NRP1: variants seen among roughly 807,000 people sequenced by gnomAD.
NRP1 encodes the protein neuropilin-1.
Under a neutral mutation model 106.7 loss-of-function variants are expected in NRP1, and 35 were observed. The ratio of observed to expected loss-of-function variants is 0.33; its 90% CI spans 0.25 to 0.43. NRP1 has a LOEUF of 0.43. Among genes scored for constraint, NRP1 ranks in the 20% least tolerant of loss-of-function variants. The pLI, the probability that NRP1 is intolerant of heterozygous loss-of-function variation, is 1.00. For synonymous variants in NRP1, 437 were observed against 417.9 expected, an observed-to-expected ratio of 1.05 and a Z score of -0.56; for missense variants, 1,024 against 1,170.4, an observed-to-expected ratio of 0.87 and a Z score of 1.83.
intron 16 of NRP1, among the ~76,000 whole-genome samples, chr10:33,182,309 C>T (rs890437406): frequency 2.0e-5 from 3 of 152,228 alleles, no homozygotes; most frequent in Admixed American, 6.5e-5. Flanking sequence ...AGAAGAATTT[C>T]GGTTGGTTTC....
intron 6 of NRP1, among the ~76,000 whole-genome samples, chr10:33,230,265 G>T (rs1295369954): frequency 6.6e-6 from 1 of 152,170 alleles, no homozygotes; most frequent in Non-Finnish European, 1.5e-5. Flanking sequence ...CACACTGCTG[G>T]TGTCTGTGTC....
rs2228638 is a variant in NRP1 at position 33,186,354 on chromosome 10, C to A, written c.2197G>T (p.Val733Phe). The change falls in exon 14 of 17, where the codon GTC becomes TTC. Residue 733 changes from valine (V) to phenylalanine (F), a missense_variant. Val to Phe is a conservative substitution (Grantham distance 50, BLOSUM62 -1). Around this residue, in one of 5 missense-constraint regions of NRP1, gnomAD observed 562 missense variants for 620.3 expected, o/e 0.91. Transcript: ENST00000374867. ...TFWYHMSGSH[V>F]GTLRVKLRYQ... Reference sequence around the variant, plus strand: ...CGCAGTTTGACCCTGAGTGTGCCGACGTGGGACCCAGACATGTGATACCAG... The same window carrying A: ...CGCAGTTTGACCCTGAGTGTGCCGAAGTGGGACCCAGACATGTGATACCAG... 1 of 1,613,846 alleles carries A rather than the reference C, an allele frequency of 6.2e-7. No homozygotes were observed. The highest frequency in any genetic ancestry group is 8.5e-7 in the Non-Finnish European group (1 of 1,180,004).
intron 1 of NRP1, among the ~76,000 whole-genome samples, chr10:33,334,044 G>A (rs866481580): frequency 3.9e-5 from 6 of 152,334 alleles, no homozygotes; most frequent in African/African-American, 1.4e-4. Context: ...GATCTGGGAA[G>A]GTAGACAGCT....
intron 13 of NRP1, among the ~76,000 whole-genome samples, chr10:33,187,338 T>C (rs1173787890): frequency 6.6e-6 from 1 of 152,236 alleles, no homozygotes; most frequent in Non-Finnish European, 1.5e-5. Flanking sequence ...CATAAACCTG[T>C]AGTTTTTCCT....
chr10:33,226,424 C>T, intron 6 of NRP1, 135 bp from the exon 7 acceptor site: 1 of 791,674 alleles, frequency 1.3e-6, no homozygotes, highest in Non-Finnish European at 2.0e-6. Flanking sequence ...CGGGTGTCCA[C>T]AGTCCCTGAC....
chr10:33,332,878 A>AGTGTGTGTGT (rs34920873), intron 1 of NRP1, among the ~76,000 whole-genome samples: 5,925 of 150,006 alleles, frequency 0.039, 139 homozygotes, highest in African/African-American at 0.05. Flanking sequence ...AAAACTAAGA[A>AGTGTGTGTGT]GTGTGTGTGT....
At position 33,207,531 on chromosome 10, in the gene NRP1, T is replaced by C. The variant is rs543027510; in HGVS notation, c.1759+41A>G. 5.0e-6 allele frequency: 8 copies of C among 1,607,966 alleles called. No individual in the cohort carries two copies. In the African/African-American group the frequency reaches 9.4e-5, roughly 19 times the overall value. On this transcript the variant is annotated intron_variant, in intron 10 of 16. Transcript: ENST00000374867. ...GGGCATAAATGCATGGAAGAGGAAA[T>C]TTAAAAACGCATGAGAAGTAACTCT... is the stretch of plus-strand genomic sequence containing the variant.
chr10:33,331,432 C>T (rs1848279060), intron 1 of NRP1, among the ~76,000 whole-genome samples: 1 of 152,200 alleles, frequency 6.6e-6, no homozygotes, highest in South Asian at 2.1e-4. Context: ...TGAGTTATCT[C>T]TGCTCTTGAG....
At chr10:33,184,391 G>A (rs1039402080) in intron 15 of NRP1, among the ~76,000 whole-genome samples, 15 of 152,200 alleles carry the variant, frequency 9.9e-5, no homozygotes, top group African/African-American at 3.4e-4. Context: ...TTGTTGAACC[G>A]AATTGAATTT....
At chr10:33,300,138 C>A (rs1481093613) in intron 2 of NRP1, among the ~76,000 whole-genome samples, 2 of 152,214 alleles carry the variant, frequency 1.3e-5, no homozygotes, top group South Asian at 2.1e-4. Flanking sequence ...CACGGGGACA[C>A]CCTGTGTACA....
intron 10 of NRP1, 103 bp downstream of exon 10, chr10:33,207,469 A>G (rs2132745295): frequency 7.6e-7 from 1 of 1,317,292 alleles, no homozygotes; most frequent in Admixed American, 2.0e-5. Flanking sequence ...GGGCCTCCCA[A>G]GGGAAAAGGG....
intron 1 of NRP1, 70 bp downstream of exon 1, chr10:33,334,240 A>T: frequency 7.1e-7 from 1 of 1,408,806 alleles, no homozygotes; most frequent in East Asian, 2.5e-5. Context: ...GCCCCGCCTG[A>T]GCCCCGGTCC....
chr10:33,180,591 C>A (rs1835625345), intron 16 of NRP1, among the ~76,000 whole-genome samples: 1 of 152,210 alleles, frequency 6.6e-6, no homozygotes, highest in Non-Finnish European at 1.5e-5. Flanking sequence ...TCTGGATCAA[C>A]TGGGAGGTTC....
At chr10:33,229,678 G>A (rs1013195160) in intron 6 of NRP1, among the ~76,000 whole-genome samples, 1 of 152,040 alleles carries the variant, frequency 6.6e-6, no homozygotes, top group Admixed American at 6.6e-5. Flanking sequence ...GAAGTTAACT[G>A]GTGATCAAAC....
intron 7 of NRP1, among the ~76,000 whole-genome samples, chr10:33,223,907 G>A (rs985117092): frequency 6.6e-6 from 1 of 152,192 alleles, no homozygotes; most frequent in Admixed American, 6.5e-5. Flanking sequence ...CCCTGGTGCA[G>A]GCAGAGGGGA....
rs1835538503 is a variant in NRP1, at chr10:33,179,374, T to C, written c.*702A>G. 6.5e-6 allele frequency: 1 copy of C among 152,708 alleles called. No homozygotes were observed. The highest frequency in any genetic ancestry group is 2.1e-4 in the South Asian group (1 of 4,830). The allele number at this position is 152,708 out of a possible 1,614,324, so 9.5% of individuals were successfully genotyped here. On this transcript the variant is annotated 3_prime_UTR_variant, in exon 17 of 17. Coordinates refer to ENST00000374867, the MANE Select transcript of NRP1 (RefSeq NM_003873.7). The stretch of plus-strand genomic sequence containing the variant: ...CAGTGCCAAGGATTTGTGTTTTTGT[T>C]GTTGCGGTTGTCAGCAGTATACCCA...
chr10:33,320,522 A>G lies in NRP1; in HGVS notation c.248+10186T>C, dbSNP rs571118464. 2.0e-5 allele frequency among the ~76,000 whole-genome samples: 3 copies of G among 152,198 alleles called. No individual in the cohort carries two copies. The South Asian group carries it at 6.2e-4, about 32-fold the overall frequency. ...CCAACACCCAGGGAGTGGCTGTCTTAAGTGCTTTCTGAAAGGTTGTCATCC... is the reference window on the plus strand; with the variant it reads ...CCAACACCCAGGGAGTGGCTGTCTTGAGTGCTTTCTGAAAGGTTGTCATCC... On this transcript the variant is annotated intron_variant, in intron 2 of 16. Transcript: ENST00000374867.
intron 4 of NRP1, among the ~76,000 whole-genome samples, chr10:33,263,281 C>A (rs1225197452): frequency 6.6e-6 from 1 of 152,154 alleles, no homozygotes; most frequent in Non-Finnish European, 1.5e-5. Flanking sequence ...TTACTAAGAG[C>A]CCATCCTCTT....
chr10:33,183,438 C>T (rs549998739), intron 15 of NRP1, among the ~76,000 whole-genome samples: 1 of 151,990 alleles, frequency 6.6e-6, no homozygotes, highest in Admixed American at 6.5e-5. Context: ...TAGATTCGTA[C>T]ATATGGTGAC....
Sources: allele counts gnomAD v4.1 joint callset (sites outside exome capture counted in the v4.1 genomes callset), GRCh38; gene constraint gnomAD v4.1.1; regional missense constraint gnomAD v4.1.1; transcripts MANE v1.5; gene names NCBI Gene and HGNC (gene_info 2026-07-23, HGNC 2026-07-21).